The following PTCHD4 variants were observed in gnomAD, a reference collection of about 807,000 sequenced individuals.
PTCHD4 encodes the protein patched domain containing 4.
In PTCHD4, 33 loss-of-function variants were observed where a neutral mutation model predicts 58.1. The ratio of observed to expected loss-of-function variants is 0.57; its 90% CI spans 0.43 to 0.76. The LOEUF is 0.76. Among genes scored for constraint, PTCHD4 ranks in the 30% least tolerant of loss-of-function variants. The probability of loss-of-function intolerance (pLI) is 0.00; values close to 1 mark genes in which losing one functional copy is unlikely to be tolerated. For missense variants in PTCHD4, 1,058 were observed against 1,027.1 expected (o/e 1.03, Z -0.41); for synonymous variants, 478 against 409.6 (o/e 1.17, Z -2.02).
At chr6:48,003,389 T>C (rs1466274427) in intron 4 of PTCHD4, among the ~76,000 whole-genome samples, 3 of 152,206 alleles carry the variant, frequency 2.0e-5, no homozygotes, top group Non-Finnish European at 4.4e-5. Context: ...CTATCACTTA[T>C]TTGGTCCTCT....
intron 4 of PTCHD4, among the ~76,000 whole-genome samples, chr6:47,988,018 C>A (rs1768136905): frequency 6.6e-6 from 1 of 152,138 alleles, no homozygotes. Context: ...TTCAGGTGAT[C>A]TGCCCGCCTT....
chr6:48,108,660 C>T (rs1000779017), intron 1 of PTCHD4, among the ~76,000 whole-genome samples: 5 of 151,680 alleles, frequency 3.3e-5, no homozygotes, highest in Non-Finnish European at 5.9e-5. Flanking sequence ...TCTTTCCCTC[C>T]AAGTTGATTC....
In PTCHD4 at chr6:47,865,758, G is replaced by A. The variant is rs74946381; in HGVS notation, c.*12545C>T. The stretch of plus-strand genomic sequence containing the variant: ...CAGTCTAACCTACACTTAGAACATT[G>A]CAGATTAATACTTCTAAATTTTGAA... On this transcript the variant is annotated 3_prime_UTR_variant, in exon 5 of 5. Coordinates refer to ENST00000339488, the MANE Select transcript of PTCHD4 (RefSeq NM_001384253.1). Among the ~76,000 whole-genome samples, 598 of 151,746 alleles carry A rather than the reference G, an allele frequency of 3.9e-3. 6 individuals are homozygous for A. The highest frequency in any genetic ancestry group is 0.013 in the African/African-American group (538 of 41,428).
chr6:48,087,481 A>G (rs982023027), intron 1 of PTCHD4, among the ~76,000 whole-genome samples: 1 of 152,224 alleles, frequency 6.6e-6, no homozygotes, highest in Non-Finnish European at 1.5e-5. Context: ...AATGATGTTA[A>G]TTATACTAAT....
intron 4 of PTCHD4, among the ~76,000 whole-genome samples, chr6:47,882,941 TAGATGCCCAAA>T (rs1186949727): frequency 8.6e-5 from 13 of 151,516 alleles, no homozygotes; most frequent in Admixed American, 7.3e-4. Context: ...GGTAAAGTGA[TAGATGCCCAAA>T]AGATGCCCAT....
chr6:47,910,945 G>A (rs79224047), intron 4 of PTCHD4, among the ~76,000 whole-genome samples: 8,743 of 152,128 alleles, frequency 0.057, 377 homozygotes, highest in Non-Finnish European at 0.091. Flanking sequence ...AACAAAATTG[G>A]CAAAGCACAT....
intron 3 of PTCHD4, among the ~76,000 whole-genome samples, chr6:48,051,270 C>G (rs1764223949): frequency 6.6e-6 from 1 of 151,950 alleles, no homozygotes; most frequent in African/African-American, 2.4e-5. Context: ...TTTATTAAAT[C>G]AGGTATTACC....
In PTCHD4 at chr6:48,089,185, A is replaced by C. The variant is rs140439718; in HGVS notation, c.-969-19259T>G. Among the ~76,000 whole-genome samples, 421 of 152,320 alleles carry C rather than the reference A, an allele frequency of 2.8e-3. 2 individuals carry two copies. The highest frequency in any genetic ancestry group is 8.7e-3 in the African/African-American group (361 of 41,574). On this transcript the variant is annotated intron_variant, in intron 1 of 4. Coordinates refer to ENST00000339488, the MANE Select transcript of PTCHD4 (RefSeq NM_001384253.1). ...AAGGGCAGAAATTTCCAAAAGACTA[A>C]TAGCAATTAAATAGTAGTGATAGCA...
At position 47,857,527 on chromosome 6, in the gene PTCHD4, G is replaced by C. The variant is rs1020016127; in HGVS notation, c.*20776C>G. Among the ~76,000 whole-genome samples, 2 of 152,012 alleles carry C rather than the reference G, an allele frequency of 1.3e-5. No individual in the cohort carries two copies. The highest frequency in any genetic ancestry group is 4.8e-5 in the African/African-American group (2 of 41,414). ...AGGAGTCTGGGTAGTACATGAAGTAGTCACAGGTGATATCTACATTTCTTT... is the reference window on the plus strand; with the variant it reads ...AGGAGTCTGGGTAGTACATGAAGTACTCACAGGTGATATCTACATTTCTTT... On this transcript the variant is annotated 3_prime_UTR_variant, in exon 5 of 5. Coordinates refer to ENST00000339488, the MANE Select transcript of PTCHD4 (RefSeq NM_001384253.1).
At chr6:47,986,272 C>T (rs1185315301) in intron 4 of PTCHD4, among the ~76,000 whole-genome samples, 1 of 152,074 alleles carries the variant, frequency 6.6e-6, no homozygotes, top group Non-Finnish European at 1.5e-5. Flanking sequence ...TTATGACAAT[C>T]ATTCTTATAT....
At chr6:47,944,656 T>C (rs1044520029) in intron 4 of PTCHD4, among the ~76,000 whole-genome samples, 3 of 152,044 alleles carry the variant, frequency 2.0e-5, no homozygotes, top group Non-Finnish European at 2.9e-5. Context: ...GGGAAGCAAA[T>C]GGGAATAGTC....
Position 48,068,797 on chromosome 6 carries a change from C to G in PTCHD4, c.5+156G>C. ...CCGCCTGGTCTTTCCCCGGCCCCACCTCCATGCGCTCCTACTACTCTTTCA... is the reference window on the plus strand; with the variant it reads ...CCGCCTGGTCTTTCCCCGGCCCCACGTCCATGCGCTCCTACTACTCTTTCA... On this transcript the variant is annotated intron_variant, in intron 2 of 4. Transcript: ENST00000339488. The surrounding 1 kb of genome is among the most constrained non-coding windows in gnomAD (Gnocchi z 4.2). 1.5e-6 allele frequency: 1 copy of G among 652,246 alleles called. No homozygotes were observed. The highest frequency in any genetic ancestry group is 2.6e-6 in the Non-Finnish European group (1 of 385,058). The allele number at this position is 652,246 out of a possible 1,614,324, so 40.4% of individuals were successfully genotyped here. A position where few individuals can be genotyped will look rare whatever the true frequency, so the allele number is the denominator to read the frequency against.
In PTCHD4 at chr6:48,032,444, ATGTGTG is replaced by A. The variant is rs544734134; in HGVS notation, c.418-23336_418-23331del. Among the ~76,000 whole-genome samples, 305 of 151,432 alleles carry A rather than the reference ATGTGTG, an allele frequency of 2.0e-3. 1 individual carries two copies. The highest frequency in any genetic ancestry group is 7.1e-3 in the African/African-American group (293 of 41,332). On this transcript the variant is annotated intron_variant, in intron 3 of 4. Coordinates refer to ENST00000339488, the MANE Select transcript of PTCHD4 (RefSeq NM_001384253.1). ...TATGCGTGTGTGTGTGTGCGTGTGTATGTGTGTGTGTGTGTGTTTATGTAGTGGGAA... is the reference window on the plus strand; with the variant it reads ...TATGCGTGTGTGTGTGTGCGTGTGTATGTGTGTGTGTTTATGTAGTGGGAA...
At chr6:48,017,132 A>G (rs960243299) in intron 3 of PTCHD4, among the ~76,000 whole-genome samples, 2 of 152,150 alleles carry the variant, frequency 1.3e-5, no homozygotes, top group Non-Finnish European at 2.9e-5. Context: ...ATTTTTCCTC[A>G]TATTTATTTT....
rs1763654142 is a variant in PTCHD4, at chr6:47,869,189, A to G, written c.*9114T>C. 6.6e-6 allele frequency among the ~76,000 whole-genome samples: 1 copy of G among 151,756 alleles called. No individual in the cohort carries two copies. Among genetic ancestry groups the G allele is most frequent in the African/African-American group, 2.4e-5 (1 of 41,382 alleles). ...CAAAATACAGTGGACTTGGATATTG[A>G]AATATTTAACATGATTGGTTTTAGT... On this transcript the variant is annotated 3_prime_UTR_variant, in exon 5 of 5. Transcript: ENST00000339488.
At chr6:47,912,938 TTCCCCATG>T (rs1765115499) in intron 4 of PTCHD4, among the ~76,000 whole-genome samples, 1 of 152,118 alleles carries the variant, frequency 6.6e-6, no homozygotes, top group Non-Finnish European at 1.5e-5. Flanking sequence ...TTCGCCTTGC[TTCCCCATG>T]TGATTGCTCA....
intron 4 of PTCHD4, among the ~76,000 whole-genome samples, chr6:47,918,533 G>A (rs1163660226): frequency 1.3e-5 from 2 of 152,140 alleles, no homozygotes; most frequent in African/African-American, 2.4e-5. Flanking sequence ...AAAAGGATGA[G>A]TAATGTTAGA....
At position 47,972,899 on chromosome 6, in the gene PTCHD4, CTT is replaced by C. The variant is rs906388263; in HGVS notation, c.898+35733_898+35734del. Among the ~76,000 whole-genome samples the C allele has an allele frequency of 4.6e-5, 7 of 151,992 alleles. No individual in the cohort carries two copies. The South Asian group carries it at 1.4e-3, about 31-fold the overall frequency. On this transcript the variant is annotated intron_variant, in intron 4 of 4. Coordinates refer to ENST00000339488, the MANE Select transcript of PTCHD4 (RefSeq NM_001384253.1). The stretch of plus-strand genomic sequence containing the variant: ...ATCTTTAGAGTCTTGAAATTGAAGA[CTT>C]ATTTTTGAATGAATTTTATGGCTTG...
At chr6:48,077,497 C>T (rs947107739) in intron 1 of PTCHD4, among the ~76,000 whole-genome samples, 5 of 152,174 alleles carry the variant, frequency 3.3e-5, no homozygotes, top group Non-Finnish European at 5.9e-5. Flanking sequence ...GTGGAGATGA[C>T]TTCTTTCCTT....
Sources: gnomAD v4.1 joint callset for allele counts (sites outside exome capture counted in the v4.1 genomes callset) on GRCh38, gnomAD v4.1.1 for gene constraint, Gnocchi (gnomAD v3.1) non-coding constraint, MANE v1.5 for transcripts, NCBI Gene and HGNC (gene_info 2026-07-23, HGNC 2026-07-21) for gene names.